The following LRP1B variants were observed in gnomAD, a reference collection of about 807,000 sequenced individuals.
The protein encoded by LRP1B is low-density lipoprotein receptor-related protein 1B.
A neutral mutation model predicts 556.6 loss-of-function variants in LRP1B; 217 were observed. The ratio of observed to expected loss-of-function variants is 0.39; its 90% confidence interval spans 0.35 to 0.44. LRP1B has a LOEUF of 0.44. Ranked by LOEUF, LRP1B falls within the 20% of genes least tolerant of loss-of-function variation. LRP1B has a pLI of 1.00. For synonymous variants in LRP1B, 2,047 were observed against 1,865.8 expected (o/e 1.10, Z -2.50); for missense variants, 5,053 against 5,620.8 (o/e 0.90, Z 3.23).
chr2:141,343,135 C>A (rs1302778596), intron 3 of LRP1B, among the ~76,000 whole-genome samples: 4 of 152,156 alleles, frequency 2.6e-5, no homozygotes, highest in Non-Finnish European at 5.9e-5. Context: ...ATTTCTATTA[C>A]TACATCTTTA....
At chr2:140,659,530 G>A (rs1357749619) in intron 41 of LRP1B, among the ~76,000 whole-genome samples, 1 of 151,942 alleles carries the variant, frequency 6.6e-6, no homozygotes, top group Non-Finnish European at 1.5e-5. Flanking sequence ...CTCAGGAAAT[G>A]CTGTAAAAAT....
intron 27 of LRP1B, among the ~76,000 whole-genome samples, chr2:140,859,072 G>C (rs1455561749): frequency 1.3e-5 from 2 of 151,748 alleles, no homozygotes; most frequent in Admixed American, 6.6e-5. Flanking sequence ...TGCCTGCTTC[G>C]GCCTCCCAAA....
At chr2:141,306,410 G>A (rs761245658) in intron 3 of LRP1B, among the ~76,000 whole-genome samples, 31 of 151,890 alleles carry the variant, frequency 2.0e-4, no homozygotes, top group Non-Finnish European at 4.4e-4. Flanking sequence ...TTTCCAATTT[G>A]GTAGTATGTC....
At chr2:141,969,795 T>C (rs368619178) in intron 1 of LRP1B, among the ~76,000 whole-genome samples, 1 of 151,570 alleles carries the variant, frequency 6.6e-6, no homozygotes, top group Admixed American at 6.6e-5. Flanking sequence ...AAGATCCCAG[T>C]AGTGGGATTT....
Position 140,950,401 on chromosome 2 carries a change from A to G in LRP1B, c.2970T>C (p.Asp990=), listed in dbSNP as rs1695678235. 2 of 1,592,608 alleles carry G rather than the reference A, an allele frequency of 1.3e-6. No homozygotes were observed. The highest frequency in any genetic ancestry group is 1.7e-6 in the Non-Finnish European group (2 of 1,172,568). ...CISSKWHCDS[D]DDCGDGSDEV... ...CATCACTCCCGTCCCCACAGTCGTC[A>G]TCTGGAAAGAAACATCAACATGAGG... The change falls in exon 20 of 91, where the codon GAT becomes GAC. Residue 990 remains aspartate, a splice_region_variant and synonymous_variant. Coordinates refer to ENST00000389484, the MANE Select transcript of LRP1B (RefSeq NM_018557.3).
intron 84 of LRP1B, among the ~76,000 whole-genome samples, chr2:140,291,329 A>ATATATATATATATATTTTT (rs1683380279): frequency 5.1e-5 from 1 of 19,606 alleles, no homozygotes; most frequent in East Asian, 1.2e-3. Context: ...TTTTTATTAT[A>ATATATATATATATATTTTT]CTTTAAGTTC....
chr2:141,474,277 G>T (rs541778762), intron 3 of LRP1B, among the ~76,000 whole-genome samples: 1 of 152,166 alleles, frequency 6.6e-6, no homozygotes, highest in East Asian at 1.9e-4. Flanking sequence ...AGAAAATTTG[G>T]AATACATATA....
rs145848582 is a variant in LRP1B at position 140,451,692 on chromosome 2, C to G, written c.9964-1031G>C. 3.8e-3 allele frequency among the ~76,000 whole-genome samples: 570 copies of G among 151,958 alleles called. 5 individuals are homozygous for G. Among genetic ancestry groups the G allele is most frequent in the African/African-American group, 0.013 (531 of 41,456 alleles). ...AACACAGTTCTTTTCATTAGAATTC[C>G]TAGTAAATACACATGATCTTTTAGG... On this transcript the variant is annotated intron_variant, in intron 62 of 90. Transcript: ENST00000389484.
intron 37 of LRP1B, among the ~76,000 whole-genome samples, chr2:140,708,855 T>A (rs6705369): frequency 1.3e-5 from 2 of 152,038 alleles, no homozygotes; most frequent in African/African-American, 4.8e-5. Flanking sequence ...AAGAAGTTTT[T>A]AATTTGTTCC....
chr2:141,681,232 G>T (rs1380541575), intron 2 of LRP1B, among the ~76,000 whole-genome samples: 2 of 152,058 alleles, frequency 1.3e-5, no homozygotes, highest in Non-Finnish European at 2.9e-5. Context: ...GGTTGAGGCT[G>T]CTGTGAGCCA....
In LRP1B at chr2:141,824,386, C is replaced by T. The variant is rs891543753; in HGVS notation, c.83-13985G>A. On this transcript the variant is annotated intron_variant, in intron 1 of 90. Coordinates refer to ENST00000389484, the MANE Select transcript of LRP1B (RefSeq NM_018557.3). ...TCATAACCCTTCATGGAATTTTTCT[C>T]AAGCTGGGTTTTACCCAGGCTGGAA... Among the ~76,000 whole-genome samples the T allele has an allele frequency of 3.3e-5, 5 of 152,294 alleles. No individual in the cohort carries two copies. The South Asian group carries it at 1.0e-3, about 32-fold the overall frequency.
At chr2:140,671,914 A>G (rs1184593345) in intron 41 of LRP1B, among the ~76,000 whole-genome samples, 1 of 152,202 alleles carries the variant, frequency 6.6e-6, no homozygotes, top group Non-Finnish European at 1.5e-5. Flanking sequence ...AAGTAAGTAT[A>G]TTCCATACCA....
intron 1 of LRP1B, among the ~76,000 whole-genome samples, chr2:142,002,417 C>A (rs1702681589): frequency 6.6e-6 from 1 of 151,950 alleles, no homozygotes; most frequent in African/African-American, 2.4e-5. Flanking sequence ...GGTAGGGACA[C>A]ATCTCTAAAC....
intron 3 of LRP1B, among the ~76,000 whole-genome samples, chr2:141,384,647 G>C (rs1689764247): frequency 6.6e-6 from 1 of 151,782 alleles, no homozygotes; most frequent in African/African-American, 2.4e-5. Context: ...TAATAGCTCA[G>C]CAGCATGCCA....
chr2:141,792,283 T>C (rs78073959), intron 2 of LRP1B, among the ~76,000 whole-genome samples: 2,037 of 152,090 alleles, frequency 0.013, 15 homozygotes, highest in Non-Finnish European at 0.021. Context: ...TACAGAGCCA[T>C]TGATCTCAGA....
At chr2:140,469,391 C>T (rs1687676166) in intron 60 of LRP1B, among the ~76,000 whole-genome samples, 1 of 152,170 alleles carries the variant, frequency 6.6e-6, no homozygotes, top group Non-Finnish European at 1.5e-5. Flanking sequence ...TTTTATTGAT[C>T]ATGGACTTCC....
intron 1 of LRP1B, among the ~76,000 whole-genome samples, chr2:142,087,287 C>CCTTT (rs10664037): frequency 0.95 from 144,289 of 151,930 alleles, 68,893 homozygotes; most frequent in Non-Finnish European, 1. Context: ...AAATAATCTT[C>CCTTT]CTATGTTGTT....
intron 18 of LRP1B, 27 bp from the exon 19 acceptor site, chr2:140,951,967 A>C: frequency 6.7e-7 from 1 of 1,500,138 alleles, no homozygotes; most frequent in Non-Finnish European, 9.3e-7. Flanking sequence ...AATGTCCAAA[A>C]GGTAACATGT....
At chr2:140,277,187 G>C (rs1682711824) in intron 84 of LRP1B, among the ~76,000 whole-genome samples, 1 of 151,806 alleles carries the variant, frequency 6.6e-6, no homozygotes, top group African/African-American at 2.4e-5. Flanking sequence ...CTCCAGCAAA[G>C]AGTAGTTTGC....
Sources: gnomAD v4.1 joint callset for allele counts (sites outside exome capture counted in the v4.1 genomes callset) on GRCh38, gnomAD v4.1.1 for gene constraint, MANE v1.5 for transcripts, NCBI Gene and HGNC (gene_info 2026-07-23, HGNC 2026-07-21) for gene names.